RGP1: variants seen among roughly 807,000 people sequenced by gnomAD.
The protein encoded by RGP1 is RAB6A-GEF complex partner protein 2.
A neutral mutation model predicts 44.5 loss-of-function variants in RGP1; 28 were observed. The ratio of observed to expected loss-of-function variants is 0.63; its 90% CI spans 0.47 to 0.86. The LOEUF (loss-of-function observed/expected upper bound fraction) is 0.86, where lower values mean the gene tolerates loss of function less well. RGP1 is among the 40% of genes least tolerant of loss of function. The probability of loss-of-function intolerance (pLI) is 0.00; values close to 1 mark genes in which losing one functional copy is unlikely to be tolerated. For synonymous variants in RGP1, 212 were observed against 196.7 expected, an observed-to-expected ratio of 1.08 and a Z score of -0.65; for missense variants, 417 against 490.7, an observed-to-expected ratio of 0.85 and a Z score of 1.42.
the RGP1 span, among the ~76,000 whole-genome samples, chr9:35,779,592 C>CTGGT: frequency 6.6e-6 from 1 of 152,178 alleles, no homozygotes; most frequent in South Asian, 2.1e-4. Context: ...AGCCATCATG[C>CTGGT]TGGTAACCCA....
the RGP1 span, among the ~76,000 whole-genome samples, chr9:35,781,615 T>C: frequency 6.6e-6 from 1 of 152,128 alleles, no homozygotes; most frequent in Non-Finnish European, 1.5e-5. Context: ...CCTTGTACCT[T>C]GACACTGGCA....
chr9:35,788,215 C>A, the RGP1 span, among the ~76,000 whole-genome samples: 1 of 152,136 alleles, frequency 6.6e-6, no homozygotes, highest in South Asian at 2.1e-4. Context: ...GCTTGGAAAC[C>A]ATAGGAGATT....
At position 35,749,776 on chromosome 9, in the gene RGP1, G is replaced by C; in HGVS notation, c.21G>C (p.Glu7Asp). MIEVVA[E>D]LSRGPVFLAG... ...CTGCCATGATTGAAGTGGTAGCAGA[G>C]CTCAGCCGGGGTCCTGTATTTTTGG... Residue 7 changes from glutamate (E) to aspartate (D), a missense_variant, in exon 2 of 9, where the codon GAG becomes GAC. Transcript: ENST00000378078. This position sits in a 1 kb window ranked among gnomAD's most constrained non-coding sequence, Gnocchi z 4.4. 1 of 1,613,644 alleles carries C rather than the reference G, an allele frequency of 6.2e-7. No individual in the cohort carries two copies. Among genetic ancestry groups the C allele is most frequent in the East Asian group, 2.2e-5 (1 of 44,878 alleles).
rs1827387314 is a variant in RGP1 at position 35,758,356 on chromosome 9, T to C, written c.*5482T>C. ...GATAGAAAAAGTTAAAGCTGTTTAA[T>C]TCACCATAGTATTTCTACAACACAG... On this transcript the variant is annotated 3_prime_UTR_variant, in exon 9 of 9. Coordinates refer to ENST00000378078, the MANE Select transcript of RGP1 (RefSeq NM_001080496.3). 6.6e-6 allele frequency: 1 copy of C among 152,242 alleles called. No individual in the cohort carries two copies. Among genetic ancestry groups the C allele is most frequent in the Non-Finnish European group, 1.5e-5 (1 of 68,040 alleles). The allele number at this position is 152,242 out of a possible 1,614,324, so 9.4% of individuals were successfully genotyped here.
chr9:35,752,160 G>C lies in RGP1; in HGVS notation c.952+15G>C. 2.6e-6 allele frequency: 4 copies of C among 1,533,356 alleles called. No individual in the cohort carries two copies. The highest frequency in any genetic ancestry group is 3.5e-6 in the Non-Finnish European group (4 of 1,141,940). 95.0% of individuals were successfully genotyped at this position (1,533,356 alleles called of 1,614,324 possible). The stretch of plus-strand genomic sequence containing the variant: ...TACAGCCATTGGTGAGACCCTCACT[G>C]TTACTGGAGAAGGGAGAGGGGGACA... On this transcript the variant is annotated intron_variant, in intron 8 of 8. Transcript: ENST00000378078.
chr9:35,783,601 T>A, the RGP1 span, among the ~76,000 whole-genome samples: 1 of 152,208 alleles, frequency 6.6e-6, no homozygotes, highest in Non-Finnish European at 1.5e-5. Context: ...GGCTCATCTA[T>A]GCTGCTGCAA....
chr9:35,759,910 AT>A (rs1827404194), downstream of RGP1, among the ~76,000 whole-genome samples: 1 of 97,008 alleles, frequency 1.0e-5, no homozygotes, highest in Admixed American at 1.0e-4. Flanking sequence ...TCCTTTATTC[AT>A]TTTTCCTTTT....
the RGP1 span, among the ~76,000 whole-genome samples, chr9:35,783,913 A>G: frequency 3.3e-5 from 5 of 152,252 alleles, no homozygotes; most frequent in Non-Finnish European, 7.3e-5. Flanking sequence ...CCACTAGTAT[A>G]AAAGTTCTCC....
At chr9:35,763,173 T>G (rs1827434497), downstream of RGP1, among the ~76,000 whole-genome samples, 2 of 152,262 alleles carry the variant, frequency 1.3e-5, no homozygotes, top group South Asian at 4.1e-4. Flanking sequence ...CTGTTCTATA[T>G]TATATATACT....
chr9:35,772,559 C>T, the RGP1 span, among the ~76,000 whole-genome samples: 5 of 151,564 alleles, frequency 3.3e-5, no homozygotes, highest in African/African-American at 9.7e-5. Flanking sequence ...TTTGGGAGGC[C>T]GAGGCAGGCG....
chr9:35,778,161 G>C, the RGP1 span, among the ~76,000 whole-genome samples: 59 of 152,132 alleles, frequency 3.9e-4, 1 homozygote, highest in Non-Finnish European at 2.9e-5. Context: ...AATTGGCCGG[G>C]CGTGGTGGCG....
chr9:35,750,060 C>G (rs1241836839), intron 2 of RGP1, among the ~76,000 whole-genome samples, 183 bp from the exon 3 acceptor site: 1 of 152,218 alleles, frequency 6.6e-6, no homozygotes, highest in Non-Finnish European at 1.5e-5. Flanking sequence ...TCCCCTCCCC[C>G]GTTCCCCTTT....
In RGP1 at chr9:35,752,753, G is replaced by A. The variant is rs777083903; in HGVS notation, c.1055G>A (p.Gly352Glu). Reference protein sequence around the residue: ...VEQPEPTTWTGPEQVPVDTFS... With the variant: ...VEQPEPTTWTEPEQVPVDTFS... Reference sequence around the variant, plus strand: ...CAGCCCGAACCTACCACCTGGACAGGACCTGAGCAAGTACCTGTAGACACC... The same window carrying A: ...CAGCCCGAACCTACCACCTGGACAGAACCTGAGCAAGTACCTGTAGACACC... The change falls in exon 9 of 9, where the codon GGA becomes GAA. Residue 352 changes from glycine (G) to glutamate (E), a missense_variant. Transcript: ENST00000378078. The A allele has an allele frequency of 6.2e-7, 1 of 1,613,792 alleles. No individual in the cohort carries two copies. Among genetic ancestry groups the A allele is most frequent in the East Asian group, 2.2e-5 (1 of 44,882 alleles).
the RGP1 span, among the ~76,000 whole-genome samples, chr9:35,786,179 T>C: frequency 1.3e-5 from 2 of 152,258 alleles, no homozygotes; most frequent in Non-Finnish European, 2.9e-5. Context: ...TAACCATGTT[T>C]CCTTTGCCTC....
chr9:35,782,439 G>T, the RGP1 span, among the ~76,000 whole-genome samples: 2 of 151,710 alleles, frequency 1.3e-5, no homozygotes, highest in African/African-American at 2.4e-5. Flanking sequence ...TTATTACAAG[G>T]TTTTTTGTTT....
the RGP1 span, among the ~76,000 whole-genome samples, chr9:35,784,697 T>G: frequency 6.6e-6 from 1 of 152,136 alleles, no homozygotes; most frequent in Non-Finnish European, 1.5e-5. Context: ...CTTGAACTCC[T>G]GATCTCGTGA....
At position 35,749,903 on chromosome 9, in the gene RGP1, T is replaced by G. The variant is rs1321920184; in HGVS notation, c.116+32T>G. 6.6e-7 allele frequency: 1 copy of G among 1,522,664 alleles called. No homozygotes were observed. Among genetic ancestry groups the G allele is most frequent in the Admixed American group, 1.8e-5 (1 of 57,070 alleles). 94.3% of individuals were successfully genotyped at this position (1,522,664 alleles called of 1,614,324 possible). ...ATGCTGGCACTGAAGGTGGTGGCCC[T>G]TCTGGGAAGAAGCCAGATTATCTCT... On this transcript the variant is annotated intron_variant, in intron 2 of 8. Transcript: ENST00000378078. The surrounding 1 kb of genome is among the most constrained non-coding windows in gnomAD (Gnocchi z 4.4).
chr9:35,786,446 C>T, the RGP1 span, among the ~76,000 whole-genome samples: 3 of 152,180 alleles, frequency 2.0e-5, no homozygotes, highest in African/African-American at 2.4e-5. Context: ...AATAGGGAAA[C>T]TATCTATGTA....
chr9:35,762,412 G>A (rs1827425819), downstream of RGP1, among the ~76,000 whole-genome samples: 1 of 152,150 alleles, frequency 6.6e-6, no homozygotes, highest in Admixed American at 6.5e-5. Flanking sequence ...AGTAAATTTT[G>A]GCCATATTGT....
Sources: gnomAD v4.1 joint callset for allele counts (sites outside exome capture counted in the v4.1 genomes callset) on GRCh38, gnomAD v4.1.1 for gene constraint, Gnocchi (gnomAD v3.1) non-coding constraint, MANE v1.5 for transcripts, NCBI Gene and HGNC (gene_info 2026-07-23, HGNC 2026-07-21) for gene names.